CYBA: variants seen among roughly 807,000 people sequenced by gnomAD.
CYBA encodes the protein cytochrome b-245 alpha chain.
CYBA carries 21 observed loss-of-function variants against 20.8 expected under a neutral mutation model. The ratio of observed to expected loss-of-function variants is 1.01; its 90% confidence interval spans 0.72 to 1.46. The LOEUF (loss-of-function observed/expected upper bound fraction) is 1.46, where lower values mean the gene tolerates loss of function less well. Ranked by LOEUF, CYBA falls within the 40% of genes most tolerant of loss-of-function variation. The pLI, the probability that CYBA is intolerant of heterozygous loss-of-function variation, is 0.00. For synonymous variants in CYBA, 164 were observed against 127.5 expected, an observed-to-expected ratio of 1.29 and a Z score of -1.93; for missense variants, 344 against 287.0, an observed-to-expected ratio of 1.20 and a Z score of -1.43.
Position 88,643,539 on chromosome 16 carries a change from G to C in CYBA, c.402C>G (p.Ile134Met), listed in dbSNP as rs762995249. ...AAVRGEQWTP[I>M]EPKPRERPQI... ...GCGGCCGCTCCCGGGGCTTGGGCTC[G>C]ATGGGCGTCCACTGCTCGCCACGCA... Residue 134 changes from isoleucine (I) to methionine (M), a missense_variant, in exon 6 of 6, where the codon ATC (isoleucine) becomes ATG (methionine). Physicochemically the swap from Ile to Met is conservative, Grantham distance 10. Coordinates refer to ENST00000261623, the MANE Select transcript of CYBA (RefSeq NM_000101.4). The surrounding 1 kb of genome is among the most constrained non-coding windows in gnomAD (Gnocchi z 4.3). The C allele has an allele frequency of 5.2e-6, 8 of 1,534,868 alleles. No homozygotes were observed. The highest frequency in any genetic ancestry group is 1.4e-5 in the African/African-American group (1 of 72,976).
In CYBA at chr16:88,643,663, G is replaced by T. The variant is rs1246675601; in HGVS notation, c.370-92C>A. 6 of 1,225,184 alleles carry T rather than the reference G, an allele frequency of 4.9e-6. No individual in the cohort carries two copies. The African/African-American group carries it at 6.2e-5, about 13-fold the overall frequency. The allele number at this position is 1,225,184 out of a possible 1,614,324, so 75.9% of individuals were successfully genotyped here. On this transcript the variant is annotated intron_variant, in intron 5 of 5. Coordinates refer to ENST00000261623, the MANE Select transcript of CYBA (RefSeq NM_000101.4). The surrounding 1 kb of genome is among the most constrained non-coding windows in gnomAD (Gnocchi z 4.3). ...AGGCCCACCCCGCTAGGGGCCCTGG[G>T]ACAGGCTCAAGTCTGAATCCCACGC... is the stretch of plus-strand genomic sequence containing the variant.
intron 5 of CYBA, 89 bp downstream of exon 5, chr16:88,646,027 C>T (rs1405572234): frequency 1.8e-5 from 20 of 1,120,350 alleles, no homozygotes; most frequent in Admixed American, 4.0e-5. Flanking sequence ...CCTACAGAGC[C>T]GGCTTCAAGG....
intron 5 of CYBA, among the ~76,000 whole-genome samples, chr16:88,644,260 C>T (rs1454698927): frequency 6.6e-6 from 1 of 152,158 alleles, no homozygotes; most frequent in Non-Finnish European, 1.5e-5. Context: ...GACTCCAAAA[C>T]GGAAACATTC....
intron 1 of CYBA, chr16:88,650,547 G>C (rs1284079218): frequency 2.0e-6 from 1 of 487,804 alleles, no homozygotes. Context: ...CGACCTCCAG[G>C]CCAGCTGGCT....
chr16:88,648,426 C>T (rs576454526), intron 1 of CYBA, among the ~76,000 whole-genome samples: 2 of 152,286 alleles, frequency 1.3e-5, no homozygotes, highest in African/African-American at 4.8e-5. Context: ...CCCTTGTCAC[C>T]ATGAGTCTTT....
chr16:88,649,081 G>GCC (rs1907403801), intron 1 of CYBA, among the ~76,000 whole-genome samples: 8 of 151,678 alleles, frequency 5.3e-5, no homozygotes, highest in Admixed American at 3.3e-4. Flanking sequence ...GGGACTATGC[G>GCC]CGCCTGCCAC....
chr16:88,643,805 G>A lies in CYBA; in HGVS notation c.370-234C>T, dbSNP rs1016882604. On this transcript the variant is annotated intron_variant, in intron 5 of 5. Coordinates refer to ENST00000261623, the MANE Select transcript of CYBA (RefSeq NM_000101.4). The surrounding 1 kb of genome is among the most constrained non-coding windows in gnomAD (Gnocchi z 4.3). ...TTTCTTCATGCCAGGAGTGGGGCCC[G>A]AACCCCTGGGCTTCTGGAAGATCCC... Among the ~76,000 whole-genome samples the A allele has an allele frequency of 4.6e-5, 7 of 152,214 alleles. No individual in the cohort carries two copies. The highest frequency in any genetic ancestry group is 3.3e-4 in the Admixed American group (5 of 15,276).
In CYBA at chr16:88,648,484, C is replaced by T. The variant is rs561708698; in HGVS notation, c.59-370G>A. Among the ~76,000 whole-genome samples, 10 of 152,360 alleles carry T rather than the reference C, an allele frequency of 6.6e-5. No homozygotes were observed. The East Asian group carries it at 1.7e-3, about 26-fold the overall frequency. On this transcript the variant is annotated intron_variant, in intron 1 of 5. Coordinates refer to ENST00000261623, the MANE Select transcript of CYBA (RefSeq NM_000101.4). ...AGGCCGAGTGTGGTTTCTGCATCTTCTTGGGGGAGTGTCTTTTTCCCCCCG... is the reference window on the plus strand; with the variant it reads ...AGGCCGAGTGTGGTTTCTGCATCTTTTTGGGGGAGTGTCTTTTTCCCCCCG...
At chr16:88,644,338 C>G (rs1907198968) in intron 5 of CYBA, among the ~76,000 whole-genome samples, 1 of 152,140 alleles carries the variant, frequency 6.6e-6, no homozygotes, top group Non-Finnish European at 1.5e-5. Context: ...GGACCCAGGG[C>G]CAGGGAAAGG....
intron 1 of CYBA, chr16:88,650,705 A>G: frequency 1.6e-6 from 1 of 617,786 alleles, no homozygotes; most frequent in Non-Finnish European, 2.9e-6. Context: ...GGACCGAGAG[A>G]AGGGAATGGG....
intron 3 of CYBA, 127 bp from the exon 4 acceptor site, chr16:88,646,965 C>A: frequency 8.5e-7 from 1 of 1,180,784 alleles, no homozygotes; most frequent in Non-Finnish European, 1.2e-6. Context: ...GGGCAGGCAC[C>A]GGCCTTGGTT....
rs139181122 is a variant in CYBA, at chr16:88,650,662, C to G, written c.58+294G>C. The G allele has an allele frequency of 2.8e-3, 1,671 of 597,122 alleles. 16 individuals are homozygous for G. Among genetic ancestry groups the G allele is most frequent in the African/African-American group, 0.028 (1,500 of 53,932 alleles). The allele number at this position is 597,122 out of a possible 1,614,324, so 37.0% of individuals were successfully genotyped here. On this transcript the variant is annotated intron_variant, in intron 1 of 5. Coordinates refer to ENST00000261623, the MANE Select transcript of CYBA (RefSeq NM_000101.4). ...CACCGGGGCTGAACCGCCTCTTCCC[C>G]TGCGCTGCAACTTCCTCCTTCGCGG... is the stretch of plus-strand genomic sequence containing the variant.
chr16:88,648,555 G>T (rs1907376047), intron 1 of CYBA, among the ~76,000 whole-genome samples: 2 of 151,838 alleles, frequency 1.3e-5, no homozygotes, highest in South Asian at 4.2e-4. Flanking sequence ...CTTAATTTCG[G>T]TTTCGTCTGA....
intron 5 of CYBA, chr16:88,645,777 C>T (rs1024463352): frequency 1.7e-5 from 9 of 535,200 alleles, no homozygotes; most frequent in Non-Finnish European, 2.3e-5. Context: ...AGCGCAGGCA[C>T]GGTCTTCGGC....
At chr16:88,648,254 G>A (rs1907360991) in intron 1 of CYBA, 140 bp from the exon 2 acceptor site, 3 of 778,434 alleles carry the variant, frequency 3.9e-6, no homozygotes, top group Admixed American at 2.1e-5. Flanking sequence ...CAGGGTCGGG[G>A]ACACCCCCAG....
chr16:88,645,059 G>A, intron 5 of CYBA: 2 of 650,654 alleles, frequency 3.1e-6, no homozygotes, highest in South Asian at 3.4e-5. Context: ...TGTCTGCTGA[G>A]GAGCAGCTGA....
chr16:88,648,199 C>T, intron 1 of CYBA, 85 bp from the exon 2 acceptor site: 1 of 1,328,516 alleles, frequency 7.5e-7, no homozygotes, highest in Non-Finnish European at 1.0e-6. Context: ...TGTGGGCCAC[C>T]AGGCCACCCA....
chr16:88,644,035 G>A lies in CYBA; in HGVS notation c.370-464C>T, dbSNP rs72558344. Among the ~76,000 whole-genome samples, 625 of 152,314 alleles carry A rather than the reference G, an allele frequency of 4.1e-3. 7 individuals are homozygous for A. Among genetic ancestry groups the A allele is most frequent in the African/African-American group, 0.015 (605 of 41,568 alleles). On this transcript the variant is annotated intron_variant, in intron 5 of 5. Coordinates refer to ENST00000261623, the MANE Select transcript of CYBA (RefSeq NM_000101.4). ...TGCCCAGGCATTTCTGCACATGGGGGTGGTGGGGGGAGAGCTTGAAGACCA... is the reference window on the plus strand; with the variant it reads ...TGCCCAGGCATTTCTGCACATGGGGATGGTGGGGGGAGAGCTTGAAGACCA...
At chr16:88,650,908 G>T in intron 1 of CYBA, 48 bp downstream of exon 1, 8 of 1,549,172 alleles carry the variant, frequency 5.2e-6, no homozygotes, top group Non-Finnish European at 7.0e-6. Context: ...TGGGGTCTTG[G>T]GACACCCCTC....
Sources: gnomAD v4.1 joint callset for allele counts (sites outside exome capture counted in the v4.1 genomes callset) on GRCh38, gnomAD v4.1.1 for gene constraint, Gnocchi (gnomAD v3.1) non-coding constraint, MANE v1.5 for transcripts, NCBI Gene and HGNC (gene_info 2026-07-23, HGNC 2026-07-21) for gene names.